The following ROBO1 variants were observed in gnomAD, a reference collection of about 807,000 sequenced individuals.
ROBO1 encodes the protein roundabout guidance receptor 1.
ROBO1 carries 149 observed loss-of-function variants against 195.9 expected under a neutral mutation model. The ratio of observed to expected loss-of-function variants is 0.76; its 90% confidence interval spans 0.67 to 0.87. The LOEUF (loss-of-function observed/expected upper bound fraction) is 0.87. Ranked by LOEUF, ROBO1 falls within the 40% of genes least tolerant of loss-of-function variation. The probability of loss-of-function intolerance (pLI) is 0.00; values close to 1 mark genes in which losing one functional copy is unlikely to be tolerated. For missense variants in ROBO1, 1,933 were observed against 2,068.3 expected (o/e 0.93, Z 1.27); for synonymous variants, 816 against 733.2 (o/e 1.11, Z -1.82).
At chr3:78,865,582 C>A (rs780355702) in intron 4 of ROBO1, among the ~76,000 whole-genome samples, 3 of 151,684 alleles carry the variant, frequency 2.0e-5, no homozygotes, top group Non-Finnish European at 4.4e-5. Flanking sequence ...AGCGATTCTC[C>A]TGCCTCAGCC....
chr3:78,975,047 C>T (rs748922172), intron 3 of ROBO1, among the ~76,000 whole-genome samples: 6 of 151,872 alleles, frequency 4.0e-5, no homozygotes, highest in Non-Finnish European at 7.4e-5. Flanking sequence ...AGTAATTTTC[C>T]TGGTGAGTTT....
rs929853015 is a variant in ROBO1, at chr3:79,638,800, T to A, written c.-50-48839A>T. Among the ~76,000 whole-genome samples, 3 of 152,304 alleles carry A rather than the reference T, an allele frequency of 2.0e-5. No individual in the cohort carries two copies. In the South Asian group the frequency reaches 6.2e-4, roughly 32 times the overall value. On this transcript the variant is annotated intron_variant, in intron 1 of 30. Transcript: ENST00000464233. ...TTCACTGTGTGTAAGAAAAAGGTGC[T>A]TTTTGGTTCATTTTTCAAACTTTTC...
chr3:79,607,814 C>T lies in ROBO1; in HGVS notation c.-50-17853G>A, dbSNP rs184800077. ...GTCTGTTCAAATGCATACTCACGTG[C>T]GTGGCTCTCCCTAGAGAGGATGCAT... On this transcript the variant is annotated intron_variant, in intron 1 of 30. Coordinates refer to ENST00000464233, the MANE Select transcript of ROBO1 (RefSeq NM_002941.4). Among the ~76,000 whole-genome samples the T allele has an allele frequency of 1.5e-3, 231 of 151,988 alleles. 2 individuals are homozygous for T. The highest frequency in any genetic ancestry group is 5.2e-3 in the African/African-American group (214 of 41,506).
chr3:78,956,047 T>C (rs1249084200), intron 3 of ROBO1, among the ~76,000 whole-genome samples: 1 of 152,184 alleles, frequency 6.6e-6, no homozygotes, highest in Non-Finnish European at 1.5e-5. Flanking sequence ...CAGCTTCTAA[T>C]CATTTAGCAC....
chr3:79,170,196 C>G (rs1682756374), intron 2 of ROBO1, among the ~76,000 whole-genome samples: 1 of 152,058 alleles, frequency 6.6e-6, no homozygotes, highest in Admixed American at 6.5e-5. Flanking sequence ...GCAAATGGAA[C>G]CTTCAAGCTT....
chr3:79,240,563 G>A (rs539097731), intron 2 of ROBO1, among the ~76,000 whole-genome samples: 4 of 152,122 alleles, frequency 2.6e-5, no homozygotes, highest in African/African-American at 4.8e-5. Flanking sequence ...ACTTTTCAGT[G>A]TATTCATACA....
chr3:79,032,464 T>G (rs2108306443), intron 3 of ROBO1, among the ~76,000 whole-genome samples: 1 of 152,122 alleles, frequency 6.6e-6, no homozygotes, highest in South Asian at 2.1e-4. Flanking sequence ...AATGGATGCT[T>G]AAAGTAAGTA....
intron 2 of ROBO1, among the ~76,000 whole-genome samples, chr3:79,577,604 G>T (rs13065221): frequency 0.13 from 19,020 of 152,058 alleles, 1,355 homozygotes; most frequent in African/African-American, 0.18. Flanking sequence ...GGCTGGGCGT[G>T]GTGGGACATA....
intron 2 of ROBO1, among the ~76,000 whole-genome samples, chr3:79,147,916 T>C (rs1390466422): frequency 6.6e-6 from 1 of 151,974 alleles, no homozygotes; most frequent in Admixed American, 6.6e-5. Flanking sequence ...GTTGTAACTT[T>C]AGGTATCTTT....
At chr3:79,566,913 C>T (rs749852766) in intron 2 of ROBO1, among the ~76,000 whole-genome samples, 113 of 152,008 alleles carry the variant, frequency 7.4e-4, no homozygotes, top group South Asian at 2.1e-4. Context: ...CCGTTCAACC[C>T]GGCAATCCCA....
intron 2 of ROBO1, among the ~76,000 whole-genome samples, chr3:79,309,199 A>G (rs912443614): frequency 4.6e-5 from 7 of 152,212 alleles, no homozygotes; most frequent in African/African-American, 1.7e-4. Flanking sequence ...GATGAAGGGA[A>G]CATCTCAGAA....
At chr3:78,832,925 T>C (rs1489416358) in intron 4 of ROBO1, among the ~76,000 whole-genome samples, 1 of 152,102 alleles carries the variant, frequency 6.6e-6, no homozygotes, top group Non-Finnish European at 1.5e-5. Context: ...TTAGTTTTAA[T>C]ATACAATAAG....
intron 4 of ROBO1, among the ~76,000 whole-genome samples, chr3:78,797,384 C>A (rs1161259767): frequency 6.6e-6 from 1 of 152,134 alleles, no homozygotes; most frequent in African/African-American, 2.4e-5. Flanking sequence ...CATGTTAATA[C>A]ACAGTATTGT....
intron 18 of ROBO1, among the ~76,000 whole-genome samples, chr3:78,655,129 A>G (rs1040777338): frequency 1.3e-5 from 2 of 152,104 alleles, no homozygotes; most frequent in Non-Finnish European, 2.9e-5. Flanking sequence ...TTTTTTTAAA[A>G]AAAATATTTT....
rs186737274 is a variant in ROBO1, at chr3:79,237,421, C to T, written c.89-111882G>A. 7.9e-5 allele frequency among the ~76,000 whole-genome samples: 12 copies of T among 151,442 alleles called. No homozygotes were observed. The East Asian group carries it at 2.3e-3, about 30-fold the overall frequency. Reference sequence around the variant, plus strand: ...GCGGGAACCCAGGAGGCGGAGCTTGCAGTGAGCCGAGATTGCACCACTGCA... The same window carrying T: ...GCGGGAACCCAGGAGGCGGAGCTTGTAGTGAGCCGAGATTGCACCACTGCA... On this transcript the variant is annotated intron_variant, in intron 2 of 30. Transcript: ENST00000464233.
chr3:79,550,196 GAAAAGAAAAGAAAAGA>G (rs1942447531), intron 2 of ROBO1, among the ~76,000 whole-genome samples: 1 of 6,240 alleles, frequency 1.6e-4, no homozygotes, highest in South Asian at 4.9e-3. Context: ...AGAAAGAAAG[GAAAAGAAAAGAAAAGA>G]AAAGAAAAGA....
intron 2 of ROBO1, among the ~76,000 whole-genome samples, chr3:79,157,745 CATT>C (rs1288216125): frequency 6.6e-6 from 1 of 151,808 alleles, no homozygotes; most frequent in African/African-American, 2.4e-5. Flanking sequence ...AAAATTCAAA[CATT>C]ATGAACAAAT....
chr3:78,717,309 A>T lies in ROBO1; in HGVS notation c.883T>A (p.Trp295Arg). The stretch of plus-strand genomic sequence containing the variant: ...GGCAGCTCTCCATCATCTTTCCTCC[A>T]TCGTACTGTAGGTACAGGGTCACCT... ...ARGDPVPTVR[W>R]RKDDGELPKS... Residue 295 changes from tryptophan (W) to arginine (R), a missense_variant, in exon 7 of 31, where the codon TGG (tryptophan) becomes AGG (arginine). Physicochemically the swap from Trp to Arg is moderately radical, Grantham distance 101. This residue lies in a region of ROBO1 where 1,737 missense variants were observed against 1,882.5 expected (regional missense o/e 0.92). Coordinates refer to ENST00000464233, the MANE Select transcript of ROBO1 (RefSeq NM_002941.4). 1 of 1,599,044 alleles carries T rather than the reference A, an allele frequency of 6.3e-7. No individual in the cohort carries two copies. Among genetic ancestry groups the T allele is most frequent in the Non-Finnish European group, 8.5e-7 (1 of 1,174,858 alleles).
intron 8 of ROBO1, among the ~76,000 whole-genome samples, chr3:78,711,348 C>CTCCTTTCTTTCTTTCTTTCTTTCT (rs1575992298): frequency 1.8e-5 from 1 of 54,692 alleles, no homozygotes; most frequent in Admixed American, 2.2e-4. Context: ...TCCTTCCTTC[C>CTCCTTTCTTTCTTTCTTTCTTTCT]TCCTTCCTTC....
Sources: gnomAD v4.1 joint callset for allele counts (sites outside exome capture counted in the v4.1 genomes callset) on GRCh38, gnomAD v4.1.1 for gene constraint, gnomAD v4.1.1 regional missense constraint, MANE v1.5 for transcripts, NCBI Gene and HGNC (gene_info 2026-07-23, HGNC 2026-07-21) for gene names.